TENT5B: variants seen among roughly 807,000 people sequenced by gnomAD.
TENT5B encodes the protein terminal nucleotidyltransferase 5B.
TENT5B carries 12 observed loss-of-function variants against 21.7 expected under a neutral mutation model. The observed-to-expected ratio is 0.55, with a 90% CI of 0.36 to 0.90. The LOEUF (loss-of-function observed/expected upper bound fraction) is 0.90, where lower values mean the gene tolerates loss of function less well. TENT5B is among the 40% of genes least tolerant of loss of function. The pLI, the probability that TENT5B is intolerant of heterozygous loss-of-function variation, is 0.01. For synonymous variants in TENT5B, 262 were observed against 266.6 expected (o/e 0.98, Z 0.17); for missense variants, 540 against 601.5 (o/e 0.90, Z 1.07).
intron 1 of TENT5B, among the ~76,000 whole-genome samples, chr1:27,008,974 C>CT (rs1557703526): frequency 4.7e-5 from 5 of 106,356 alleles, no homozygotes; most frequent in African/African-American, 2.0e-4. Flanking sequence ...TTCCTCCATC[C>CT]TTCTTTTTTT....
intron 1 of TENT5B, among the ~76,000 whole-genome samples, chr1:27,008,953 T>C (rs2082612506): frequency 6.8e-6 from 1 of 146,076 alleles, no homozygotes; most frequent in South Asian, 2.2e-4. Context: ...CAAACCCTTC[T>C]CTACCTTCCT....
At chr1:27,007,553 G>A (rs1437132152) in intron 1 of TENT5B, among the ~76,000 whole-genome samples, 1 of 150,604 alleles carries the variant, frequency 6.6e-6, no homozygotes, top group African/African-American at 2.5e-5. Context: ...CACTGTGCCC[G>A]GCTAATTTTT....
At chr1:27,007,106 T>C (rs1252596938) in intron 1 of TENT5B, 149 bp from the exon 2 acceptor site, 2 of 87,952 alleles carry the variant, frequency 2.3e-5, no homozygotes, top group African/African-American at 9.4e-5. Flanking sequence ...TTTTTTTTTA[T>C]TGGGTGGGGG....
rs972179103 is a variant in TENT5B, at chr1:27,006,451, G to A, written c.771C>T (p.Ala257=). ...GESLYGDFTE[A]LEHLRHRVIA... ...TGACACGGTGCCGCAGGTGCTCCAG[G>A]GCCTCGGTGAAGTCCCCGTACAGGC... The change falls in exon 2 of 2, where the codon GCC becomes GCT. Residue 257 remains alanine, a synonymous_variant. Coordinates refer to ENST00000289166, the MANE Select transcript of TENT5B (RefSeq NM_052943.4). This position sits in a 1 kb window ranked among gnomAD's most constrained non-coding sequence, Gnocchi z 9.4. 21 of 1,613,596 alleles carry A rather than the reference G, an allele frequency of 1.3e-5. No homozygotes were observed. Among genetic ancestry groups the A allele is most frequent in the Admixed American group, 1.7e-5 (1 of 59,994 alleles).
chr1:27,012,759 G>T lies in TENT5B; in HGVS notation c.-89C>A. On this transcript the variant is annotated 5_prime_UTR_variant, in exon 1 of 2. Transcript: ENST00000289166. ...AGAGCGGCTGGGCAGGGGCCAAGGC[G>T]GGGGGCACGAAGGCAGGGACGGGGC... 1 of 1,358,534 alleles carries T rather than the reference G, an allele frequency of 7.4e-7. No homozygotes were observed. The highest frequency in any genetic ancestry group is 9.5e-7 in the Non-Finnish European group (1 of 1,056,840). The allele number at this position is 1,358,534 out of a possible 1,614,324, so 84.2% of individuals were successfully genotyped here. A position where few individuals can be genotyped will look rare whatever the true frequency, so the allele number is the denominator to read the frequency against.
chr1:27,012,624 G>A lies in TENT5B; in HGVS notation c.47C>T (p.Ala16Val), dbSNP rs1311353603. 6.6e-7 allele frequency: 1 copy of A among 1,517,166 alleles called. No homozygotes were observed. The highest frequency in any genetic ancestry group is 8.8e-7 in the Non-Finnish European group (1 of 1,140,782). 94.0% of individuals were successfully genotyped at this position (1,517,166 alleles called of 1,614,324 possible). Residue 16 changes from alanine to valine, a missense_variant, in exon 1 of 2, where the codon GCT (alanine) becomes GTT (valine). By Grantham distance (64) the Ala-to-Val change is moderately conservative. Transcript: ENST00000289166. Reference protein sequence around the residue: ...SGAERRDRAAAQVGTAAATAV... With the variant: ...SGAERRDRAAVQVGTAAATAV... ...CGTGGCCGCAGCCGTCCCCACCTGA[G>A]CAGCCGCCCGGTCCCTGCGCTCAGC...
intron 1 of TENT5B, among the ~76,000 whole-genome samples, chr1:27,008,974 C>CTTTT (rs1557703526): frequency 9.4e-5 from 10 of 106,410 alleles, no homozygotes; most frequent in African/African-American, 3.9e-4. Flanking sequence ...TTCCTCCATC[C>CTTTT]TTCTTTTTTT....
rs1206183448 is a variant in TENT5B, at chr1:27,005,303, T to TA, written c.*640dup. 2 of 152,590 alleles carry TA rather than the reference T, an allele frequency of 1.3e-5. No homozygotes were observed. Among genetic ancestry groups the TA allele is most frequent in the Admixed American group, 1.3e-4 (2 of 15,282 alleles). The allele number at this position is 152,590 out of a possible 1,614,324, so 9.5% of individuals were successfully genotyped here. On this transcript the variant is annotated 3_prime_UTR_variant, in exon 2 of 2. Coordinates refer to ENST00000289166, the MANE Select transcript of TENT5B (RefSeq NM_052943.4). ...CCCACCCTGGGCTGCTTGGCTCCTG[T>TA]ATACTGCCCACCTCAACCCCTCAAG...
In TENT5B at chr1:27,006,792, T is replaced by C. The variant is rs766151903; in HGVS notation, c.430A>G (p.Lys144Glu). The change falls in exon 2 of 2, where the codon AAG becomes GAG. Residue 144 changes from lysine to glutamate, a missense_variant. By Grantham distance (56) the Lys-to-Glu change is moderately conservative (BLOSUM62 1). Coordinates refer to ENST00000289166, the MANE Select transcript of TENT5B (RefSeq NM_052943.4). The surrounding 1 kb of genome is among the most constrained non-coding windows in gnomAD (Gnocchi z 9.4). ...LRSEASFQLTKAVVLACLLDF... is the reference protein window; with the variant it reads ...LRSEASFQLTEAVVLACLLDF... ...AGTAGGCAGGCCAGCACCACTGCCT[T>C]GGTCAGCTGGAAGGATGCCTCACTG... 4 of 1,614,012 alleles carry C rather than the reference T, an allele frequency of 2.5e-6. No individual in the cohort carries two copies. Among genetic ancestry groups the C allele is most frequent in the Admixed American group, 1.7e-5 (1 of 60,022 alleles).
Position 27,009,427 on chromosome 1 carries a change from T to G in TENT5B, c.265-2470A>C, listed in dbSNP as rs150784521. On this transcript the variant is annotated intron_variant, in intron 1 of 1. Coordinates refer to ENST00000289166, the MANE Select transcript of TENT5B (RefSeq NM_052943.4). ...GTTCAGAAGGAGCAGACTAGTGTTCTAATCCACCTTCCCTTTCTAAATTTC... is the reference window on the plus strand; with the variant it reads ...GTTCAGAAGGAGCAGACTAGTGTTCGAATCCACCTTCCCTTTCTAAATTTC... 7.9e-3 allele frequency among the ~76,000 whole-genome samples: 1,205 copies of G among 152,336 alleles called. 22 individuals carry two copies. Among genetic ancestry groups the G allele is most frequent in the Admixed American group, 0.039 (601 of 15,298 alleles).
At position 27,006,408 on chromosome 1, in the gene TENT5B, C is replaced by T. The variant is rs775828237; in HGVS notation, c.814G>A (p.Glu272Lys). The change falls in exon 2 of 2, where the codon GAG (glutamate) becomes AAG (lysine). Residue 272 changes from glutamate to lysine, a missense_variant. Glu to Lys is a moderately conservative substitution (Grantham distance 56). Coordinates refer to ENST00000289166, the MANE Select transcript of TENT5B (RefSeq NM_052943.4). The surrounding 1 kb of genome is among the most constrained non-coding windows in gnomAD (Gnocchi z 9.4). ...RHRVIATRSP[E>K]EIRGGGLLKY... is the part of the protein sequence containing the mutation. ...AGGAGGCCACCACCTCGGATCTCCT[C>T]GGGACTGCGCGTGGCGATGACACGG... is the stretch of plus-strand genomic sequence containing the variant. The T allele has an allele frequency of 1.9e-6, 3 of 1,613,306 alleles. No individual in the cohort carries two copies. Among genetic ancestry groups the T allele is most frequent in the African/African-American group, 2.7e-5 (2 of 75,062 alleles).
rs76246176 is a variant in TENT5B at position 27,012,780 on chromosome 1, G to A, written c.-110C>T. 2,467 of 1,294,280 alleles carry A rather than the reference G, an allele frequency of 1.9e-3. 39 individuals carry two copies. In the African/African-American group the frequency reaches 0.033, roughly 17 times the overall value. 80.2% of individuals were successfully genotyped at this position (1,294,280 alleles called of 1,614,324 possible). On this transcript the variant is annotated 5_prime_UTR_variant, in exon 1 of 2. Transcript: ENST00000289166. ...AGGCGGGGGGCACGAAGGCAGGGAC[G>A]GGGCGGCAACGACGGCGAGACAAAG... is the stretch of plus-strand genomic sequence containing the variant.
At chr1:27,009,507 C>A (rs1051264841) in intron 1 of TENT5B, among the ~76,000 whole-genome samples, 1 of 152,232 alleles carries the variant, frequency 6.6e-6, no homozygotes, top group East Asian at 1.9e-4. Flanking sequence ...AGTTGGGGAA[C>A]AGGAAGGTGA....
chr1:27,006,787 T>G lies in TENT5B; in HGVS notation c.435A>C (p.Ala145=). The part of the protein sequence containing the change: ...RSEASFQLTK[A]VVLACLLDFL... Reference sequence around the variant, plus strand: ...AGTCTAGTAGGCAGGCCAGCACCACTGCCTTGGTCAGCTGGAAGGATGCCT... The same window carrying G: ...AGTCTAGTAGGCAGGCCAGCACCACGGCCTTGGTCAGCTGGAAGGATGCCT... The change falls in exon 2 of 2, where the codon GCA becomes GCC. Residue 145 remains alanine, a synonymous_variant. Coordinates refer to ENST00000289166, the MANE Select transcript of TENT5B (RefSeq NM_052943.4). The surrounding 1 kb of genome is among the most constrained non-coding windows in gnomAD (Gnocchi z 9.4). 1.2e-6 allele frequency: 2 copies of G among 1,614,028 alleles called. No homozygotes were observed. The highest frequency in any genetic ancestry group is 1.7e-6 in the Non-Finnish European group (2 of 1,180,010).
At position 27,006,480 on chromosome 1, in the gene TENT5B, C is replaced by T. The variant is rs777073358; in HGVS notation, c.742G>A (p.Glu248Lys). 33 of 1,613,916 alleles carry T rather than the reference C, an allele frequency of 2.0e-5. No homozygotes were observed. Among genetic ancestry groups the T allele is most frequent in the South Asian group, 1.8e-4 (16 of 91,086 alleles). ...TCGGTGAAGTCCCCGTACAGGCTTTCGCCTGTGACCGTTGGGTGGAAGGCC... is the reference window on the plus strand; with the variant it reads ...TCGGTGAAGTCCCCGTACAGGCTTTTGCCTGTGACCGTTGGGTGGAAGGCC... ...SEAFHPTVTG[E>K]SLYGDFTEAL... Residue 248 changes from glutamate to lysine, a missense_variant, in exon 2 of 2, where the codon GAA becomes AAA. Transcript: ENST00000289166. This position sits in a 1 kb window ranked among gnomAD's most constrained non-coding sequence, Gnocchi z 9.4.
At chr1:27,009,601 A>G (rs2124206880) in intron 1 of TENT5B, among the ~76,000 whole-genome samples, 1 of 152,330 alleles carries the variant, frequency 6.6e-6, no homozygotes, top group East Asian at 1.9e-4. Flanking sequence ...GTCAGCTGGC[A>G]GCTGTGCCTG....
At position 27,005,973 on chromosome 1, in the gene TENT5B, CG is replaced by C; in HGVS notation, c.1248del (p.His416GlnfsTer129). On this transcript the variant is annotated frameshift_variant, in exon 2 of 2. Transcript: ENST00000289166. LOFTEE classifies it high-confidence loss of function. ...YVTPVQPLLA[H>X]AYPTWLPCN ...TTACAAGGCAGCCAGGTGGGATAGG[CG>C]TGAGCCAGGAGAGGTTGCACGGGGG... 1 of 1,579,070 alleles carries C rather than the reference CG, an allele frequency of 6.3e-7. No homozygotes were observed. Among genetic ancestry groups the C allele is most frequent in the Non-Finnish European group, 8.6e-7 (1 of 1,159,250 alleles).
In TENT5B at chr1:27,006,737, GC is replaced by G; in HGVS notation, c.484del (p.Ala162ProfsTer6). On this transcript the variant is annotated frameshift_variant, in exon 2 of 2. Coordinates refer to ENST00000289166, the MANE Select transcript of TENT5B (RefSeq NM_052943.4). LOFTEE classifies it high-confidence loss of function. The surrounding 1 kb of genome is among the most constrained non-coding windows in gnomAD (Gnocchi z 9.4). ...LDFLPAGVSR[A>X]KITPLTLKEA... ...CTTGAGTGTCAGTGGCGTGATCTTG[GC>G]CCGGCTCACACCGGCCGGCAGGAAG... 6.2e-7 allele frequency: 1 copy of G among 1,613,890 alleles called. No homozygotes were observed. Among genetic ancestry groups the G allele is most frequent in the Non-Finnish European group, 8.5e-7 (1 of 1,179,974 alleles).
At chr1:27,007,792 A>G (rs559242507) in intron 1 of TENT5B, among the ~76,000 whole-genome samples, 21 of 152,324 alleles carry the variant, frequency 1.4e-4, no homozygotes, top group African/African-American at 4.8e-4. Context: ...TTAGCAGTTC[A>G]CATTCATGAC....
Sources: allele counts gnomAD v4.1 joint callset (sites outside exome capture counted in the v4.1 genomes callset), GRCh38; gene constraint gnomAD v4.1.1; non-coding constraint Gnocchi (gnomAD v3.1); transcripts MANE v1.5; gene names NCBI Gene and HGNC (gene_info 2026-07-23, HGNC 2026-07-21).